The following ROBO2 variants were observed in gnomAD, a reference collection of about 807,000 sequenced individuals.
ROBO2 encodes the protein roundabout guidance receptor 2.
Under a neutral mutation model 160.8 loss-of-function variants are expected in ROBO2, and 53 were observed. The observed-to-expected ratio is 0.33, with a 90% CI of 0.26 to 0.41. The LOEUF is 0.41. Ranked by LOEUF, ROBO2 falls within the 10% of genes least tolerant of loss-of-function variation. ROBO2 has a pLI of 1.00. For synonymous variants in ROBO2, 664 were observed against 611.7 expected (o/e 1.09, Z -1.26); for missense variants, 1,577 against 1,722.4 (o/e 0.92, Z 1.49).
chr3:75,990,325 G>T (rs928432499), intron 2 of ROBO2, among the ~76,000 whole-genome samples: 6 of 152,156 alleles, frequency 3.9e-5, no homozygotes, highest in Non-Finnish European at 8.8e-5. Flanking sequence ...ATAGGGGAAA[G>T]AATTTGTTTT....
chr3:77,141,568 C>G (rs1206923898), intron 2 of ROBO2, among the ~76,000 whole-genome samples: 3 of 152,136 alleles, frequency 2.0e-5, no homozygotes, highest in African/African-American at 7.2e-5. Context: ...GGTAATGGCA[C>G]TTTGTGATGT....
At chr3:76,833,444 C>T (rs1400635546) in intron 2 of ROBO2, among the ~76,000 whole-genome samples, 1 of 152,096 alleles carries the variant, frequency 6.6e-6, no homozygotes, top group Non-Finnish European at 1.5e-5. Flanking sequence ...AGAATGCTCT[C>T]TCTGAGAATT....
rs1053340408 is a variant in ROBO2 at position 76,258,682 on chromosome 3, C to A, written c.109+321080C>A. On this transcript the variant is annotated intron_variant, in intron 2 of 26. Transcript: ENST00000487694. ...CTTTTTTAAATTTTCAGATATTTTT[C>A]TAAAATGTGTAGCTTATTTTAGTTC... 2.0e-5 allele frequency among the ~76,000 whole-genome samples: 3 copies of A among 151,878 alleles called. No individual in the cohort carries two copies. In the South Asian group the frequency reaches 6.2e-4, roughly 31 times the overall value.
rs915040830 is a variant in ROBO2 at position 76,000,496 on chromosome 3, T to A, written c.109+62894T>A. On this transcript the variant is annotated intron_variant, in intron 2 of 26. Coordinates refer to the ROBO2 transcript ENST00000487694. ...CACCATGATTGTGCGCTTATTTTTT[T>A]TTTTTTTTTTTTGACGGACTCTCAC... Among the ~76,000 whole-genome samples the A allele has an allele frequency of 4.1e-3, 612 of 150,654 alleles. 2 individuals are homozygous for A. The highest frequency in any genetic ancestry group is 6.8e-3 in the Admixed American group (103 of 15,118).
intron 1 of ROBO2, among the ~76,000 whole-genome samples, chr3:77,048,188 C>G (rs1416444126): frequency 2.0e-5 from 3 of 152,146 alleles, no homozygotes; most frequent in Admixed American, 2.0e-4. Flanking sequence ...TAGAAGAGGA[C>G]TTTGCTATCA....
At chr3:76,665,689 A>G (rs909765792) in intron 2 of ROBO2, among the ~76,000 whole-genome samples, 10 of 151,622 alleles carry the variant, frequency 6.6e-5, no homozygotes, top group Non-Finnish European at 1.2e-4. Context: ...TCTTGACACT[A>G]TGAATGACCA....
At chr3:75,947,678 A>G (rs1479684254) in intron 2 of ROBO2, among the ~76,000 whole-genome samples, 1 of 152,136 alleles carries the variant, frequency 6.6e-6, no homozygotes, top group African/African-American at 2.4e-5. Context: ...AAGCCTGAGT[A>G]TAACAGTAAG....
intron 2 of ROBO2, among the ~76,000 whole-genome samples, chr3:76,269,137 T>C (rs1707274078): frequency 1.3e-5 from 2 of 152,238 alleles, no homozygotes; most frequent in South Asian, 4.1e-4. Context: ...TATTTTATTA[T>C]ACTTTTAAAA....
At chr3:76,652,920 T>G (rs976979325) in intron 2 of ROBO2, among the ~76,000 whole-genome samples, 1 of 152,166 alleles carries the variant, frequency 6.6e-6, no homozygotes, top group Non-Finnish European at 1.5e-5. Flanking sequence ...TTTCTACATA[T>G]GGGACCTATA....
intron 2 of ROBO2, among the ~76,000 whole-genome samples, chr3:76,072,796 C>T (rs1424752479): frequency 6.6e-6 from 1 of 152,142 alleles, no homozygotes. Context: ...AAGCGATGTT[C>T]ACGAAACCCC....
At chr3:77,460,921 A>G (rs1252091034) in intron 2 of ROBO2, among the ~76,000 whole-genome samples, 1 of 152,148 alleles carries the variant, frequency 6.6e-6, no homozygotes, top group African/African-American at 2.4e-5. Context: ...GAAATTAATC[A>G]CTATATTTTA....
intron 1 of ROBO2, among the ~76,000 whole-genome samples, chr3:75,907,158 G>A (rs1946382365): frequency 6.6e-6 from 1 of 152,172 alleles, no homozygotes; most frequent in South Asian, 2.1e-4. Context: ...GGGGCATTCG[G>A]ATGGAATTAG....
chr3:76,142,570 G>A (rs2071713697), intron 2 of ROBO2, among the ~76,000 whole-genome samples: 1 of 151,938 alleles, frequency 6.6e-6, no homozygotes, highest in Admixed American at 6.6e-5. Context: ...CAGAAAGACA[G>A]ACATCAGATA....
intron 2 of ROBO2, among the ~76,000 whole-genome samples, chr3:76,459,769 A>T (rs1342788632): frequency 6.6e-6 from 1 of 152,208 alleles, no homozygotes; most frequent in East Asian, 1.9e-4. Flanking sequence ...AACTAATAAA[A>T]GGTAATAAAA....
intron 2 of ROBO2, among the ~76,000 whole-genome samples, chr3:76,653,273 A>T (rs998055474): frequency 3.3e-5 from 5 of 151,884 alleles, no homozygotes; most frequent in Non-Finnish European, 7.4e-5. Flanking sequence ...GCTTATAATT[A>T]GATAATAAAC....
At chr3:76,645,527 A>G (rs2090920879) in intron 2 of ROBO2, among the ~76,000 whole-genome samples, 2 of 152,170 alleles carry the variant, frequency 1.3e-5, no homozygotes, top group South Asian at 4.1e-4. Context: ...TCCAGTCTAT[A>G]TGAATGTAAG....
At chr3:77,435,372 C>T (rs2079173723) in intron 2 of ROBO2, among the ~76,000 whole-genome samples, 1 of 151,874 alleles carries the variant, frequency 6.6e-6, no homozygotes, top group Non-Finnish European at 1.5e-5. Flanking sequence ...TATTAAGAAA[C>T]TGATCTATTA....
chr3:76,846,155 A>T (rs2068755882), intron 2 of ROBO2, among the ~76,000 whole-genome samples: 1 of 152,168 alleles, frequency 6.6e-6, no homozygotes, highest in Non-Finnish European at 1.5e-5. Flanking sequence ...TATTGGACAT[A>T]TCACTTTTTC....
chr3:76,834,124 CTCCTTCCTTCTTTCCT>C (rs1409811248), intron 2 of ROBO2, among the ~76,000 whole-genome samples: 1 of 77,328 alleles, frequency 1.3e-5, no homozygotes, highest in Admixed American at 1.6e-4. Context: ...CTCTCTGTCT[CTCCTTCCTTCTTTCCT>C]TCCTTCCTTT....
Sources: gnomAD v4.1 joint callset for allele counts (sites outside exome capture counted in the v4.1 genomes callset) on GRCh38, gnomAD v4.1.1 for gene constraint, MANE v1.5 for transcripts, NCBI Gene and HGNC (gene_info 2026-07-23, HGNC 2026-07-21) for gene names.